INTS6: variants seen among roughly 807,000 people sequenced by gnomAD.
The protein encoded by INTS6 is DEAD box protein.
Under a neutral mutation model 104.9 loss-of-function variants are expected in INTS6, and 16 were observed. The observed-to-expected ratio is 0.15, with a 90% CI of 0.10 to 0.23. The LOEUF is 0.23. INTS6 is among the 10% of genes least tolerant of loss of function. The pLI is 1.00. For missense variants in INTS6, 584 were observed against 1,062.8 expected, an observed-to-expected ratio of 0.55 and a Z score of 6.26; for synonymous variants, 324 against 358.7, an observed-to-expected ratio of 0.90 and a Z score of 1.09.
At chr13:51,406,173 T>C (rs1956560798) in intron 4 of INTS6, among the ~76,000 whole-genome samples, 1 of 152,190 alleles carries the variant, frequency 6.6e-6, no homozygotes, top group African/African-American at 2.4e-5. Context: ...TTGCCCAATG[T>C]ATAGTCTCAA....
At chr13:51,427,570 G>C (rs532004168) in intron 4 of INTS6, among the ~76,000 whole-genome samples, 11 of 152,220 alleles carry the variant, frequency 7.2e-5, no homozygotes, top group African/African-American at 2.4e-4. Context: ...TCCAACGAGA[G>C]TCTCGTTGGT....
chr13:51,345,404 C>G, the INTS6 span, among the ~76,000 whole-genome samples: 3 of 151,968 alleles, frequency 2.0e-5, no homozygotes, highest in Non-Finnish European at 4.4e-5. Context: ...ACTAGCCTGG[C>G]CAACATGGTG....
rs530893893 is a variant in INTS6, at chr13:51,389,245, C to T, written c.739+74G>A. On this transcript the variant is annotated intron_variant, in intron 6 of 17. Transcript: ENST00000311234. ...CCTTGCCTATCTTAAGGCCAAATCA[C>T]AGTAAGTTTTCAGTTCTAGTTGAAT... The T allele has an allele frequency of 2.0e-5, 30 of 1,517,968 alleles. No homozygotes were observed. The East Asian group carries it at 5.9e-4, about 30-fold the overall frequency. The allele number at this position is 1,517,968 out of a possible 1,614,324, so 94.0% of individuals were successfully genotyped here. A position where few individuals can be genotyped will look rare whatever the true frequency, so the allele number is the denominator to read the frequency against.
At position 51,452,868 on chromosome 13, in the gene INTS6, G is replaced by A. The variant is rs574015189; in HGVS notation, c.-343C>T. The A allele has an allele frequency of 2.2e-4, 250 of 1,134,096 alleles. 7 individuals carry two copies. The South Asian group carries it at 4.3e-3, about 19-fold the overall frequency. 70.3% of individuals were successfully genotyped at this position (1,134,096 alleles called of 1,614,324 possible). A position where few individuals can be genotyped will look rare whatever the true frequency, so the allele number is the denominator to read the frequency against. On this transcript the variant is annotated 5_prime_UTR_variant, in exon 1 of 18. Transcript: ENST00000311234. The surrounding 1 kb of genome is among the most constrained non-coding windows in gnomAD (Gnocchi z 4.2). ...CCTGTGTGTGTCCCAGCGGGAGACG[G>A]GCCTGGCTCCCCACCCCACCCCCGG...
chr13:51,375,473 T>C (rs1171537231), intron 13 of INTS6, among the ~76,000 whole-genome samples: 2 of 86,270 alleles, frequency 2.3e-5, no homozygotes, highest in Non-Finnish European at 4.1e-5. Context: ...AAGTACAGTA[T>C]GGTAAAAAAA....
At chr13:51,349,954 T>C (rs922060588), downstream of INTS6, among the ~76,000 whole-genome samples, 2 of 152,158 alleles carry the variant, frequency 1.3e-5, no homozygotes, top group Non-Finnish European at 1.5e-5. Flanking sequence ...TTTAAATCCT[T>C]TGGGGAACAA....
chr13:51,367,868 T>C lies in INTS6; in HGVS notation c.2507A>G (p.His836Arg), dbSNP rs1955723259. The change falls in exon 17 of 18, where the codon CAT (histidine) becomes CGT (arginine). Residue 836 changes from histidine (H) to arginine (R), a missense_variant. Physicochemically the swap from His to Arg is conservative, Grantham distance 29 (BLOSUM62 0). Coordinates refer to ENST00000311234, the MANE Select transcript of INTS6 (RefSeq NM_012141.3). ...KYERIFTLLK[H>R]VQGSLQTRLI... Reference sequence around the variant, plus strand: ...TCTTGTTTGTAAACTGCCTTGCACATGCTTCAGTAAAGTGAAGATTCTTTC... The same window carrying C: ...TCTTGTTTGTAAACTGCCTTGCACACGCTTCAGTAAAGTGAAGATTCTTTC... The C allele has an allele frequency of 6.3e-7, 1 of 1,591,444 alleles. No individual in the cohort carries two copies. Among genetic ancestry groups the C allele is most frequent in the African/African-American group, 1.4e-5 (1 of 73,838 alleles).
intron 11 of INTS6, 26 bp from the exon 12 acceptor site, chr13:51,378,480 T>C (rs777920015): frequency 2.2e-5 from 32 of 1,473,892 alleles, no homozygotes; most frequent in Non-Finnish European, 2.9e-5. Context: ...GTCAGAATTA[T>C]CTTGATAAAA....
At chr13:51,387,561 CAAAG>C (rs1171032111) in intron 6 of INTS6, 21 bp from the exon 7 acceptor site, 17 of 1,591,504 alleles carry the variant, frequency 1.1e-5, no homozygotes, top group Middle Eastern at 3.3e-4. Context: ...GAAATTAAGA[CAAAG>C]AAAGCATATA....
intron 3 of INTS6, chr13:51,450,065 A>T (rs112830798): frequency 1.0e-6 from 1 of 985,324 alleles, no homozygotes; most frequent in Non-Finnish European, 1.2e-6. Context: ...GTAGTCACAG[A>T]AAGAATTTCC....
At chr13:51,403,006 C>A (rs927079170) in intron 4 of INTS6, among the ~76,000 whole-genome samples, 2 of 152,066 alleles carry the variant, frequency 1.3e-5, no homozygotes, top group Non-Finnish European at 2.9e-5. Context: ...ATAAACTACG[C>A]CAAATAAACA....
chr13:51,432,090 A>G (rs1957102333), intron 3 of INTS6, among the ~76,000 whole-genome samples: 1 of 151,998 alleles, frequency 6.6e-6, no homozygotes, highest in South Asian at 2.1e-4. Flanking sequence ...CCCAACTGCC[A>G]CTCATTCCTT....
downstream of INTS6, among the ~76,000 whole-genome samples, chr13:51,351,307 A>G (rs565215663): frequency 8.5e-5 from 13 of 152,234 alleles, no homozygotes; most frequent in Admixed American, 5.9e-4. Context: ...CCTTGTCAAC[A>G]CTTGTTAATG....
chr13:51,439,103 C>G (rs924232248), intron 3 of INTS6: 2 of 152,220 alleles, frequency 1.3e-5, no homozygotes, highest in Admixed American at 1.3e-4. Context: ...CCAGCATCAA[C>G]TCTGTCATTT....
chr13:51,435,779 T>G (rs1235517522), intron 3 of INTS6, among the ~76,000 whole-genome samples: 3 of 152,086 alleles, frequency 2.0e-5, no homozygotes, highest in Non-Finnish European at 4.4e-5. Flanking sequence ...TCTGATGTGC[T>G]AATCATGTTT....
At chr13:51,394,855 G>A (rs1956307723) in intron 5 of INTS6, among the ~76,000 whole-genome samples, 1 of 152,116 alleles carries the variant, frequency 6.6e-6, no homozygotes, top group South Asian at 2.1e-4. Context: ...TGAAACAGAA[G>A]CTGGATAAGA....
Position 51,452,358 on chromosome 13 carries a change from C to A in INTS6, c.111+57G>T. 1 of 1,440,484 alleles carries A rather than the reference C, an allele frequency of 6.9e-7. No individual in the cohort carries two copies. Among genetic ancestry groups the A allele is most frequent in the Admixed American group, 2.6e-5 (1 of 39,126 alleles). 89.2% of individuals were successfully genotyped at this position (1,440,484 alleles called of 1,614,324 possible). ...CCCCGCCCCGGCCGCCCTCCCCCAC[C>A]CTGCCGCCCGCGGGCCGCCGGGCCG... On this transcript the variant is annotated intron_variant, in intron 1 of 17. Coordinates refer to ENST00000311234, the MANE Select transcript of INTS6 (RefSeq NM_012141.3). The surrounding 1 kb of genome is among the most constrained non-coding windows in gnomAD (Gnocchi z 4.2).
At position 51,369,146 on chromosome 13, in the gene INTS6, G is replaced by T; in HGVS notation, c.2269C>A (p.His757Asn). The T allele has an allele frequency of 6.2e-7, 1 of 1,613,814 alleles. No homozygotes were observed. The highest frequency in any genetic ancestry group is 2.2e-5 in the East Asian group (1 of 44,852). Reference protein sequence around the residue: ...RPTNHMEALGHDHLGTNDLTV... With the variant: ...RPTNHMEALGNDHLGTNDLTV... The stretch of plus-strand genomic sequence containing the variant: ...AGGTCATTGGTTCCTAAATGGTCAT[G>T]ACCAAGAGCCTCCATATGATTGGTT... Residue 757 changes from histidine to asparagine, a missense_variant, in exon 16 of 18, where the codon CAT (histidine) becomes AAT (asparagine). His to Asn is a moderately conservative substitution (Grantham distance 68). Around this residue, in one of 5 missense-constraint regions of INTS6, gnomAD observed 296 missense variants for 437.0 expected, o/e 0.68. Coordinates refer to ENST00000311234, the MANE Select transcript of INTS6 (RefSeq NM_012141.3).
rs755971823 is a variant in INTS6 at position 51,368,995 on chromosome 13, T to G, written c.2420A>C (p.Glu807Ala). The change falls in exon 16 of 18, where the codon GAG becomes GCG. Residue 807 changes from glutamate to alanine, a missense_variant. Transcript: ENST00000311234. ...KKLMHCRSHE[E>A]VNTELKAQIM... ...TTGTGCTTTTAGTTCAGTATTGACC[T>G]CTTCATGGCTTCTGCAATGCATCAA... 1 of 1,613,472 alleles carries G rather than the reference T, an allele frequency of 6.2e-7. No individual in the cohort carries two copies. Among genetic ancestry groups the G allele is most frequent in the East Asian group, 2.2e-5 (1 of 44,868 alleles).
Sources: allele counts gnomAD v4.1 joint callset (sites outside exome capture counted in the v4.1 genomes callset), GRCh38; gene constraint gnomAD v4.1.1; regional missense constraint gnomAD v4.1.1; non-coding constraint Gnocchi (gnomAD v3.1); transcripts MANE v1.5; gene names NCBI Gene and HGNC (gene_info 2026-07-23, HGNC 2026-07-21).